The following VWC2 variants were observed in gnomAD, a reference collection of about 807,000 sequenced individuals.
The protein encoded by VWC2 is brorin.
In VWC2, 14 loss-of-function variants were observed where a neutral mutation model predicts 29.8. The observed-to-expected ratio is 0.47, with a 90% confidence interval of 0.31 to 0.74. The LOEUF (loss-of-function observed/expected upper bound fraction) is 0.74. VWC2 is among the 30% of genes least tolerant of loss of function. VWC2 has a pLI of 0.05. For missense variants in VWC2, 457 were observed against 459.8 expected (o/e 0.99, Z 0.05); for synonymous variants, 213 against 199.0 (o/e 1.07, Z -0.59).
chr7:49,852,173 A>G (rs913150827), intron 3 of VWC2, among the ~76,000 whole-genome samples: 2 of 152,238 alleles, frequency 1.3e-5, no homozygotes, highest in Non-Finnish European at 2.9e-5. Context: ...CCCTGTGGCC[A>G]CTGCCTTATC....
At chr7:49,851,677 G>A (rs1401572390) in intron 3 of VWC2, among the ~76,000 whole-genome samples, 1 of 152,182 alleles carries the variant, frequency 6.6e-6, no homozygotes, top group East Asian at 1.9e-4. Context: ...GGCCAACATG[G>A]TGAAACCCTG....
At chr7:49,778,727 T>C (rs1431727617) in intron 2 of VWC2, among the ~76,000 whole-genome samples, 1 of 152,242 alleles carries the variant, frequency 6.6e-6, no homozygotes, top group South Asian at 2.1e-4. Flanking sequence ...AGATTTGTCA[T>C]GATGCTGAGT....
In VWC2 at chr7:49,915,226, G is replaced by A. The variant is rs1277204060; in HGVS notation, c.*3041G>A. 1 of 152,178 alleles carries A rather than the reference G, an allele frequency of 6.6e-6. No individual in the cohort carries two copies. Among genetic ancestry groups the A allele is most frequent in the Admixed American group, 6.5e-5 (1 of 15,268 alleles). 9.4% of individuals were successfully genotyped at this position (152,178 alleles called of 1,614,324 possible). A position where few individuals can be genotyped will look rare whatever the true frequency, so the allele number is the denominator to read the frequency against. On this transcript the variant is annotated 3_prime_UTR_variant, in exon 4 of 4. Transcript: ENST00000340652. ...TGTATTTCATCCCTGCATGCAAGAAGTATTAGATGCACTCCAGTCCAGGCA... is the reference window on the plus strand; with the variant it reads ...TGTATTTCATCCCTGCATGCAAGAAATATTAGATGCACTCCAGTCCAGGCA...
chr7:49,845,521 TGA>T (rs2128714679), intron 3 of VWC2, among the ~76,000 whole-genome samples: 1 of 152,238 alleles, frequency 6.6e-6, no homozygotes, highest in South Asian at 2.1e-4. Flanking sequence ...GGAATATATC[TGA>T]GAGAGAGAGG....
intron 3 of VWC2, among the ~76,000 whole-genome samples, chr7:49,823,157 T>C (rs1001263374): frequency 5.3e-5 from 8 of 152,182 alleles, no homozygotes; most frequent in Non-Finnish European, 1.2e-4. Flanking sequence ...TATAATTACA[T>C]GATAATAGTT....
At chr7:49,822,658 C>A (rs139352906) in intron 3 of VWC2, among the ~76,000 whole-genome samples, 23 of 152,278 alleles carry the variant, frequency 1.5e-4, no homozygotes, top group Non-Finnish European at 3.1e-4. Context: ...AGGCTGGTCT[C>A]GAACTCCTGG....
chr7:49,921,387 C>A lies in VWC2; in HGVS notation c.*9202C>A, dbSNP rs1031700290. ...CAGAGCATCCTTTTAACATTTATAT[C>A]ATAAGTATTCTCAATAAACGTTTGC... On this transcript the variant is annotated 3_prime_UTR_variant, in exon 4 of 4. Transcript: ENST00000340652. 2 of 152,206 alleles carry A rather than the reference C, an allele frequency of 1.3e-5. No individual in the cohort carries two copies. The highest frequency in any genetic ancestry group is 4.8e-5 in the African/African-American group (2 of 41,452). The allele number at this position is 152,206 out of a possible 1,614,324, so 9.4% of individuals were successfully genotyped here.
chr7:49,896,026 T>G (rs2128732524), intron 3 of VWC2, among the ~76,000 whole-genome samples: 1 of 152,292 alleles, frequency 6.6e-6, no homozygotes, highest in South Asian at 2.1e-4. Context: ...GTCTATAAAA[T>G]TAAAGTAAAC....
chr7:49,890,644 A>G lies in VWC2; in HGVS notation c.827-21390A>G, dbSNP rs1378332029. Among the ~76,000 whole-genome samples the G allele has an allele frequency of 2.0e-5, 3 of 152,230 alleles. No homozygotes were observed. The East Asian group carries it at 5.8e-4, about 29-fold the overall frequency. On this transcript the variant is annotated intron_variant, in intron 3 of 3. Coordinates refer to ENST00000340652, the MANE Select transcript of VWC2 (RefSeq NM_198570.5). Reference sequence around the variant, plus strand: ...CATCCCAAAGCTACTTTTAGCCATGATGGAACAGGGTGCATGAGAGTAACT... The same window carrying G: ...CATCCCAAAGCTACTTTTAGCCATGGTGGAACAGGGTGCATGAGAGTAACT...
intron 3 of VWC2, among the ~76,000 whole-genome samples, chr7:49,881,794 A>G (rs1305418031): frequency 6.6e-6 from 1 of 152,136 alleles, no homozygotes; most frequent in Non-Finnish European, 1.5e-5. Context: ...ATCACTTTGT[A>G]TATAATAATA....
At chr7:49,869,010 G>T (rs1250481294) in intron 3 of VWC2, among the ~76,000 whole-genome samples, 1 of 152,182 alleles carries the variant, frequency 6.6e-6, no homozygotes, top group Non-Finnish European at 1.5e-5. Context: ...GAAGGGATAA[G>T]CTATGAATTA....
chr7:49,787,987 A>G (rs1174917884), intron 2 of VWC2, among the ~76,000 whole-genome samples: 3 of 152,156 alleles, frequency 2.0e-5, no homozygotes, highest in Non-Finnish European at 4.4e-5. Flanking sequence ...TGTGTGAGTG[A>G]GCACTGCTGT....
chr7:49,812,239 C>T (rs1789030095), intron 3 of VWC2, among the ~76,000 whole-genome samples: 1 of 152,130 alleles, frequency 6.6e-6, no homozygotes, highest in African/African-American at 2.4e-5. Context: ...GGTGGATACA[C>T]AATTAATTAA....
intron 3 of VWC2, among the ~76,000 whole-genome samples, chr7:49,818,457 T>C (rs971421111): frequency 1.1e-4 from 16 of 152,120 alleles, no homozygotes; most frequent in Admixed American, 6.6e-4. Flanking sequence ...AGCACTTATG[T>C]CTTATGCCAG....
intron 3 of VWC2, among the ~76,000 whole-genome samples, chr7:49,853,750 A>G (rs1054201874): frequency 3.3e-5 from 5 of 152,098 alleles, no homozygotes; most frequent in African/African-American, 1.2e-4. Context: ...GTTCTAGGGT[A>G]CATGTGCACA....
intron 3 of VWC2, among the ~76,000 whole-genome samples, chr7:49,806,300 C>T (rs1364492521): frequency 6.6e-6 from 1 of 152,042 alleles, no homozygotes; most frequent in Non-Finnish European, 1.5e-5. Context: ...CTTTATGGAT[C>T]CAAAGAAGAA....
chr7:49,788,603 C>A (rs1788359220), intron 2 of VWC2, among the ~76,000 whole-genome samples: 1 of 144,622 alleles, frequency 6.9e-6, no homozygotes. Flanking sequence ...TACTTATCCA[C>A]ACTCTTATGA....
chr7:49,793,624 A>G (rs546277253), intron 2 of VWC2, among the ~76,000 whole-genome samples: 32 of 152,282 alleles, frequency 2.1e-4, no homozygotes, highest in South Asian at 4.1e-4. Context: ...CTGTATTGTC[A>G]CAGGCATATT....
At position 49,913,936 on chromosome 7, in the gene VWC2, A is replaced by T. The variant is rs975103556; in HGVS notation, c.*1751A>T. The T allele has an allele frequency of 2.0e-5, 3 of 152,316 alleles. No individual in the cohort carries two copies. Among genetic ancestry groups the T allele is most frequent in the East Asian group, 1.9e-4 (1 of 5,184 alleles). The allele number at this position is 152,316 out of a possible 1,614,324, so 9.4% of individuals were successfully genotyped here. A position where few individuals can be genotyped will look rare whatever the true frequency, so the allele number is the denominator to read the frequency against. On this transcript the variant is annotated 3_prime_UTR_variant, in exon 4 of 4. Transcript: ENST00000340652. ...TAGTCATTTAATTTTTGTCTTGTTC[A>T]TAAAGAACACCTTGAGCCAAAGGAA...
Sources: allele counts gnomAD v4.1 joint callset (sites outside exome capture counted in the v4.1 genomes callset), GRCh38; gene constraint gnomAD v4.1.1; transcripts MANE v1.5; gene names NCBI Gene and HGNC (gene_info 2026-07-23, HGNC 2026-07-21).